The following NEK11 variants were observed in gnomAD, a reference collection of about 807,000 sequenced individuals.
The protein encoded by NEK11 is NIMA related kinase 11, also known as serine/threonine-protein kinase Nek11.
In NEK11, 72 loss-of-function variants were observed where a neutral mutation model predicts 80.7. That is an observed-to-expected ratio of 0.89 (90% CI 0.74 to 1.08). The LOEUF (loss-of-function observed/expected upper bound fraction) is 1.08, where lower values mean the gene tolerates loss of function less well. Among genes scored for constraint, NEK11 ranks in the 50% least tolerant of loss-of-function variants. NEK11 has a pLI of 0.00. For synonymous variants in NEK11, 251 were observed against 260.7 expected, an observed-to-expected ratio of 0.96 and a Z score of 0.36; for missense variants, 764 against 763.6, an observed-to-expected ratio of 1.00 and a Z score of -0.01.
intron 3 of NEK11, among the ~76,000 whole-genome samples, chr3:131,037,064 C>T (rs1279146814): frequency 3.3e-5 from 5 of 152,094 alleles, no homozygotes; most frequent in Non-Finnish European, 5.9e-5. Context: ...GATTCTAGTG[C>T]CTTCTTTGAA....
intron 17 of NEK11, among the ~76,000 whole-genome samples, chr3:131,333,526 A>AAG (rs1379711099): frequency 1.3e-5 from 2 of 152,216 alleles, no homozygotes; most frequent in Admixed American, 1.3e-4. Flanking sequence ...CCAAAATGTA[A>AAG]AGACCATCGA....
intron 3 of NEK11, among the ~76,000 whole-genome samples, chr3:131,049,035 A>T (rs2067907181): frequency 1.3e-5 from 2 of 152,178 alleles, no homozygotes; most frequent in Admixed American, 1.3e-4. Context: ...GACTTCGCGA[A>T]CCTAAGGCTT....
At chr3:131,165,186 C>T in intron 11 of NEK11, 1 of 426,020 alleles carries the variant, frequency 2.3e-6, no homozygotes, top group East Asian at 4.2e-5. Context: ...ACTGCCTTCT[C>T]CTGCTGCTGC....
intron 3 of NEK11, among the ~76,000 whole-genome samples, chr3:131,035,396 T>C (rs2065490609): frequency 6.6e-6 from 1 of 152,130 alleles, no homozygotes; most frequent in African/African-American, 2.4e-5. Flanking sequence ...GCCAAAAAAG[T>C]CTGGGTCCAT....
chr3:131,255,100 G>T (rs1488724521), intron 16 of NEK11, among the ~76,000 whole-genome samples: 2 of 149,582 alleles, frequency 1.3e-5, no homozygotes, highest in East Asian at 2.0e-4. Flanking sequence ...AAGAAAGAAA[G>T]AAAGAAAGAA....
At chr3:131,208,694 G>A (rs2094516964) in intron 14 of NEK11, among the ~76,000 whole-genome samples, 1 of 152,092 alleles carries the variant, frequency 6.6e-6, no homozygotes. Context: ...CTTGTAAGTT[G>A]GATTCCTAGG....
chr3:131,234,062 G>A (rs551044237), intron 15 of NEK11, among the ~76,000 whole-genome samples: 7 of 152,304 alleles, frequency 4.6e-5, no homozygotes, highest in South Asian at 2.1e-4. Flanking sequence ...GAGTAAATGC[G>A]TTAGGTGCAA....
At chr3:131,254,702 C>G (rs907811048) in intron 16 of NEK11, among the ~76,000 whole-genome samples, 1 of 152,104 alleles carries the variant, frequency 6.6e-6, no homozygotes, top group Non-Finnish European at 1.5e-5. Flanking sequence ...TATAATTCTG[C>G]TGATAACTTT....
chr3:131,057,556 C>T (rs1219645728), intron 3 of NEK11, among the ~76,000 whole-genome samples: 1 of 151,932 alleles, frequency 6.6e-6, no homozygotes, highest in African/African-American at 2.4e-5. Context: ...CCTGTTGTTT[C>T]CTGACTTTTT....
intron 3 of NEK11, among the ~76,000 whole-genome samples, chr3:131,075,095 A>T (rs74868539): frequency 6.6e-6 from 1 of 152,122 alleles, no homozygotes; most frequent in Non-Finnish European, 1.5e-5. Flanking sequence ...CCTGCACTGC[A>T]CCATGATGCC....
intron 7 of NEK11, among the ~76,000 whole-genome samples, chr3:131,147,102 T>C (rs2088517213): frequency 6.6e-6 from 1 of 152,106 alleles, no homozygotes; most frequent in East Asian, 1.9e-4. Flanking sequence ...AATCTTTGCC[T>C]ACTCCAAGAT....
chr3:131,251,823 G>T (rs1219071052), intron 16 of NEK11, among the ~76,000 whole-genome samples: 1 of 152,042 alleles, frequency 6.6e-6, no homozygotes, highest in Non-Finnish European at 1.5e-5. Flanking sequence ...AATTAATGCT[G>T]CTGCTGAAAT....
chr3:131,294,174 T>C (rs948043981), intron 17 of NEK11, among the ~76,000 whole-genome samples: 1 of 152,112 alleles, frequency 6.6e-6, no homozygotes, highest in African/African-American at 2.4e-5. Context: ...ATTTTATATC[T>C]TTCTTCCTTT....
intron 16 of NEK11, among the ~76,000 whole-genome samples, chr3:131,266,339 G>A (rs2096057749): frequency 6.6e-6 from 1 of 152,130 alleles, no homozygotes; most frequent in African/African-American, 2.4e-5. Context: ...TTGCTTGTGG[G>A]CATTTCATGC....
chr3:131,156,002 T>C (rs1393474268), intron 10 of NEK11, among the ~76,000 whole-genome samples: 1 of 152,220 alleles, frequency 6.6e-6, no homozygotes, highest in African/African-American at 2.4e-5. Context: ...AACGTCGAAA[T>C]TTCCAATTGT....
intron 14 of NEK11, among the ~76,000 whole-genome samples, chr3:131,179,091 T>C (rs1258822057): frequency 6.6e-6 from 1 of 152,190 alleles, no homozygotes; most frequent in East Asian, 1.9e-4. Context: ...TCAAAGGGCT[T>C]GATGGAGTGA....
intron 17 of NEK11, among the ~76,000 whole-genome samples, chr3:131,319,729 A>ATGTGT (rs1336902814): frequency 2.0e-5 from 3 of 152,150 alleles, no homozygotes; most frequent in Non-Finnish European, 4.4e-5. Context: ...CACACATGCA[A>ATGTGT]AAAATAAATC....
intron 17 of NEK11, among the ~76,000 whole-genome samples, chr3:131,303,260 T>C (rs2109237231): frequency 6.6e-6 from 1 of 152,298 alleles, no homozygotes; most frequent in South Asian, 2.1e-4. Context: ...CAGCATATAG[T>C]TGGGCCTTGC....
At chr3:131,124,038 A>G (rs546844814) in intron 5 of NEK11, among the ~76,000 whole-genome samples, 1 of 152,116 alleles carries the variant, frequency 6.6e-6, no homozygotes, top group Non-Finnish European at 1.5e-5. Context: ...TTGTAGTCAG[A>G]CTTGTCCTCT....
Sources: allele counts gnomAD v4.1 joint callset (sites outside exome capture counted in the v4.1 genomes callset), GRCh38; gene constraint gnomAD v4.1.1; transcripts MANE v1.5; gene names NCBI Gene and HGNC (gene_info 2026-07-23, HGNC 2026-07-21).